Variants in ANKRD6 observed in about 807,000 individuals in gnomAD.
ANKRD6 encodes ankyrin repeat domain 6.
A neutral mutation model predicts 82.3 loss-of-function variants in ANKRD6; 56 were observed. That is an observed-to-expected ratio of 0.68 (90% CI 0.55 to 0.85). The LOEUF (loss-of-function observed/expected upper bound fraction) is 0.85. ANKRD6 is among the 40% of genes least tolerant of loss of function. ANKRD6 has a pLI of 0.00. For missense variants in ANKRD6, 852 were observed against 907.6 expected (o/e 0.94, Z 0.79); for synonymous variants, 347 against 352.1 (o/e 0.99, Z 0.16).
intron 1 of ANKRD6, among the ~76,000 whole-genome samples, chr6:89,453,340 T>C (rs1028993685): frequency 6.6e-6 from 1 of 152,264 alleles, no homozygotes; most frequent in South Asian, 2.1e-4. Flanking sequence ...GAAAACATAG[T>C]AAAGTGTTAT....
At chr6:89,455,685 C>T (rs369479973) in intron 1 of ANKRD6, among the ~76,000 whole-genome samples, 2 of 151,990 alleles carry the variant, frequency 1.3e-5, no homozygotes, top group East Asian at 1.9e-4. Flanking sequence ...ACACCTGCCC[C>T]CTCTCTCTTC....
At chr6:89,518,886 C>T (rs1781555749) in intron 1 of ANKRD6, among the ~76,000 whole-genome samples, 1 of 152,196 alleles carries the variant, frequency 6.6e-6, no homozygotes, top group South Asian at 2.1e-4. Flanking sequence ...CTCCCAGAGG[C>T]TAAAATTCCA....
At chr6:89,436,344 G>A (rs1476344991) in intron 1 of ANKRD6, among the ~76,000 whole-genome samples, 1 of 152,178 alleles carries the variant, frequency 6.6e-6, no homozygotes, top group Non-Finnish European at 1.5e-5. Flanking sequence ...AAGATGTATT[G>A]TCTTGGATAG....
intron 1 of ANKRD6, among the ~76,000 whole-genome samples, chr6:89,463,875 G>A (rs535429743): frequency 3.3e-5 from 5 of 151,534 alleles, no homozygotes; most frequent in East Asian, 1.9e-4. Flanking sequence ...ATAAAAAAAA[G>A]CAATTGACCC....
At chr6:89,459,652 C>T (rs1773892167) in intron 1 of ANKRD6, among the ~76,000 whole-genome samples, 1 of 152,140 alleles carries the variant, frequency 6.6e-6, no homozygotes, top group African/African-American at 2.4e-5. Flanking sequence ...CAGGTGTGTG[C>T]CACCATGCTC....
At chr6:89,566,737 TG>T in intron 1 of ANKRD6, 96 bp from the exon 2 acceptor site, 1 of 450,316 alleles carries the variant, frequency 2.2e-6, no homozygotes, top group Non-Finnish European at 4.0e-6. Context: ...CCCTGCAACA[TG>T]CAAGCAGCAG....
chr6:89,504,141 TG>T (rs1193200013), intron 1 of ANKRD6, among the ~76,000 whole-genome samples: 4 of 40,714 alleles, frequency 9.8e-5, no homozygotes, highest in South Asian at 1.1e-3. Context: ...GGGCGGGGGG[TG>T]GGGGGGAAGG....
At chr6:89,472,497 C>T (rs771037721) in intron 1 of ANKRD6, among the ~76,000 whole-genome samples, 1 of 152,102 alleles carries the variant, frequency 6.6e-6, no homozygotes. Context: ...TTACTTTAAC[C>T]TCCTTGAAAG....
chr6:89,612,443 C>A, intron 6 of ANKRD6, 73 bp downstream of exon 6: 1 of 1,375,246 alleles, frequency 7.3e-7, no homozygotes, highest in Non-Finnish European at 1.0e-6. Flanking sequence ...CATGAGCATA[C>A]TTGAACCTTA....
At chr6:89,451,106 A>AT (rs2089831398) in intron 1 of ANKRD6, among the ~76,000 whole-genome samples, 1 of 152,134 alleles carries the variant, frequency 6.6e-6, no homozygotes, top group Admixed American at 6.5e-5. Flanking sequence ...CCAGGAATTC[A>AT]AGAGCAACCT....
intron 1 of ANKRD6, among the ~76,000 whole-genome samples, chr6:89,500,844 G>C (rs192901705): frequency 4.6e-5 from 7 of 152,044 alleles, no homozygotes; most frequent in Non-Finnish European, 1.0e-4. Flanking sequence ...GTTGATTCTT[G>C]TTGTATTTTG....
At chr6:89,549,892 A>G (rs1335504893) in intron 1 of ANKRD6, among the ~76,000 whole-genome samples, 4 of 151,988 alleles carry the variant, frequency 2.6e-5, no homozygotes, top group African/African-American at 9.6e-5. Context: ...CCTGAGTAAC[A>G]TAGTGAGACC....
At chr6:89,540,774 T>C (rs371188969) in intron 1 of ANKRD6, among the ~76,000 whole-genome samples, 32 of 152,310 alleles carry the variant, frequency 2.1e-4, no homozygotes, top group Non-Finnish European at 3.1e-4. Context: ...TAGATTTAAG[T>C]CTTTAATCCA....
intron 1 of ANKRD6, among the ~76,000 whole-genome samples, chr6:89,435,477 CTTTA>C (rs1175858941): frequency 6.6e-6 from 1 of 152,140 alleles, no homozygotes; most frequent in Non-Finnish European, 1.5e-5. Flanking sequence ...CTGGAGCATT[CTTTA>C]TTTTTCTTTT....
chr6:89,545,352 A>G (rs539200993), intron 1 of ANKRD6, among the ~76,000 whole-genome samples: 88 of 152,212 alleles, frequency 5.8e-4, no homozygotes, highest in Non-Finnish European at 1.0e-3. Flanking sequence ...CATCTGGGTA[A>G]ACTCTCCACA....
At chr6:89,476,473 G>T (rs1776051427) in intron 1 of ANKRD6, among the ~76,000 whole-genome samples, 1 of 152,144 alleles carries the variant, frequency 6.6e-6, no homozygotes, top group African/African-American at 2.4e-5. Flanking sequence ...CAGCCAATAT[G>T]TGTGTATTTT....
intron 1 of ANKRD6, chr6:89,505,120 C>T (rs1779696488): frequency 6.6e-6 from 1 of 152,246 alleles, no homozygotes; most frequent in Admixed American, 6.5e-5. Context: ...TTGGTCTAAT[C>T]CTGACCATCC....
intron 12 of ANKRD6, 63 bp from the exon 13 acceptor site, chr6:89,624,476 G>A: frequency 6.5e-7 from 1 of 1,529,674 alleles, no homozygotes; most frequent in Non-Finnish European, 8.8e-7. Context: ...CGTGGATGGT[G>A]CTCAAAACAT....
chr6:89,452,224 C>T (rs533600524), intron 1 of ANKRD6, among the ~76,000 whole-genome samples: 27 of 152,264 alleles, frequency 1.8e-4, no homozygotes, highest in African/African-American at 6.3e-4. Context: ...AATTTACTAG[C>T]TAAGTAAATC....
Sources: allele counts gnomAD v4.1 joint callset (sites outside exome capture counted in the v4.1 genomes callset), GRCh38; gene constraint gnomAD v4.1.1; transcripts MANE v1.5; gene names NCBI Gene and HGNC (gene_info 2026-07-23, HGNC 2026-07-21).